LRP1B: variants seen among roughly 807,000 people sequenced by gnomAD.
The protein encoded by LRP1B is low-density lipoprotein receptor-related protein 1B.
Under a neutral mutation model 556.6 loss-of-function variants are expected in LRP1B, and 217 were observed. The ratio of observed to expected loss-of-function variants is 0.39; its 90% CI spans 0.35 to 0.44. The LOEUF (loss-of-function observed/expected upper bound fraction) is 0.44. Ranked by LOEUF, LRP1B falls within the 20% of genes least tolerant of loss-of-function variation. The pLI is 1.00. For missense variants in LRP1B, 5,053 were observed against 5,620.8 expected, an observed-to-expected ratio of 0.90 and a Z score of 3.23; for synonymous variants, 2,047 against 1,865.8, an observed-to-expected ratio of 1.10 and a Z score of -2.50.
intron 3 of LRP1B, among the ~76,000 whole-genome samples, chr2:141,380,641 T>C (rs575281516): frequency 2.2e-4 from 34 of 152,280 alleles, no homozygotes; most frequent in African/African-American, 7.9e-4. Context: ...TCTAAACACA[T>C]GTGCATGTAT....
At chr2:141,947,444 T>A (rs535860858) in intron 1 of LRP1B, among the ~76,000 whole-genome samples, 72 of 151,522 alleles carry the variant, frequency 4.8e-4, no homozygotes, top group South Asian at 1.9e-3. Context: ...TCAAAAAAAA[T>A]AAATAAATAA....
intron 3 of LRP1B, among the ~76,000 whole-genome samples, chr2:141,463,615 T>A (rs1226702492): frequency 4.1e-5 from 4 of 97,282 alleles, no homozygotes; most frequent in African/African-American, 2.0e-4. Flanking sequence ...TTATATATAA[T>A]TATGTATTAT....
chr2:141,261,312 C>T (rs145856675), intron 3 of LRP1B, among the ~76,000 whole-genome samples: 39 of 152,178 alleles, frequency 2.6e-4, no homozygotes, highest in Middle Eastern at 3.4e-3. Context: ...GATAGAGCAG[C>T]GAGGCAATGC....
At chr2:141,243,295 C>A in intron 5 of LRP1B, among the ~76,000 whole-genome samples, 1 of 151,786 alleles carries the variant, frequency 6.6e-6, no homozygotes, top group East Asian at 1.9e-4. Flanking sequence ...CCAGCCTGGG[C>A]AACAGAGAGA....
At chr2:141,417,529 CT>C (rs1402822271) in intron 3 of LRP1B, among the ~76,000 whole-genome samples, 2 of 152,156 alleles carry the variant, frequency 1.3e-5, no homozygotes, top group African/African-American at 2.4e-5. Context: ...GCATAACATC[CT>C]TTAGGTGCAT....
At chr2:141,887,204 C>T (rs1699152156) in intron 1 of LRP1B, among the ~76,000 whole-genome samples, 1 of 151,992 alleles carries the variant, frequency 6.6e-6, no homozygotes, top group African/African-American at 2.4e-5. Context: ...CAATGTTGGC[C>T]AGGCTGGTCT....
chr2:142,068,539 T>C lies in LRP1B; in HGVS notation c.82+62109A>G, dbSNP rs117646995. Among the ~76,000 whole-genome samples the C allele has an allele frequency of 1.6e-4, 25 of 151,718 alleles. No individual in the cohort carries two copies. In the East Asian group the frequency reaches 4.9e-3, roughly 29 times the overall value. ...TGCGTAGGGGTCAGCTCCTCATCTG[T>C]ATTTTCCAACATTGTCTTGTCCATT... On this transcript the variant is annotated intron_variant, in intron 1 of 90. Transcript: ENST00000389484.
intron 43 of LRP1B, among the ~76,000 whole-genome samples, chr2:140,568,615 G>A (rs1681211309): frequency 6.6e-6 from 1 of 152,086 alleles, no homozygotes; most frequent in Non-Finnish European, 1.5e-5. Flanking sequence ...GATATAAACA[G>A]TCAGATTCAG....
chr2:140,281,651 G>C (rs550096830), intron 84 of LRP1B, among the ~76,000 whole-genome samples: 1 of 151,832 alleles, frequency 6.6e-6, no homozygotes, highest in South Asian at 2.1e-4. Flanking sequence ...CATCATTTAA[G>C]TATGCATTTG....
At chr2:141,199,010 T>C (rs1225996202) in intron 6 of LRP1B, among the ~76,000 whole-genome samples, 1 of 152,148 alleles carries the variant, frequency 6.6e-6, no homozygotes, top group East Asian at 1.9e-4. Flanking sequence ...CTGCTCTCTC[T>C]GCTTCCTTTC....
chr2:140,908,384 AT>A (rs1237469926), intron 21 of LRP1B, among the ~76,000 whole-genome samples: 3,842 of 146,656 alleles, frequency 0.026, 159 homozygotes, highest in African/African-American at 0.09. Context: ...ATATATATAT[AT>A]ATATATAAAA....
Position 141,520,909 on chromosome 2 carries a change from A to T in LRP1B, c.206-40376T>A, listed in dbSNP as rs145929207. On this transcript the variant is annotated intron_variant, in intron 2 of 90. Coordinates refer to ENST00000389484, the MANE Select transcript of LRP1B (RefSeq NM_018557.3). ...CCAGGCTTCCCTCCTCTGTCCCTTC[A>T]TCTGATTCCCTTGGTGATGGTGACT... Among the ~76,000 whole-genome samples, 667 of 151,848 alleles carry T rather than the reference A, an allele frequency of 4.4e-3. 7 individuals are homozygous for T. Among genetic ancestry groups the T allele is most frequent in the African/African-American group, 0.014 (595 of 41,398 alleles).
At chr2:140,402,026 AC>A (rs1206251681) in intron 66 of LRP1B, among the ~76,000 whole-genome samples, 3 of 152,204 alleles carry the variant, frequency 2.0e-5, no homozygotes, top group African/African-American at 7.2e-5. Context: ...CGACCTGAGG[AC>A]AGGTCACATC....
intron 41 of LRP1B, among the ~76,000 whole-genome samples, chr2:140,686,868 T>C (rs1188212485): frequency 6.6e-6 from 1 of 151,956 alleles, no homozygotes; most frequent in African/African-American, 2.4e-5. Flanking sequence ...CATTTTATAG[T>C]ATAGGAAAGT....
chr2:141,316,075 A>G (rs1687026315), intron 3 of LRP1B, among the ~76,000 whole-genome samples: 1 of 152,002 alleles, frequency 6.6e-6, no homozygotes. Context: ...AATTTGAACA[A>G]GAGATCAGAT....
At chr2:140,712,380 C>G (rs905717264) in intron 37 of LRP1B, among the ~76,000 whole-genome samples, 1 of 152,056 alleles carries the variant, frequency 6.6e-6, no homozygotes, top group East Asian at 1.9e-4. Context: ...GACTTCCCAT[C>G]CTAGAATCTC....
At chr2:140,872,721 T>G (rs1693177808) in intron 25 of LRP1B, among the ~76,000 whole-genome samples, 1 of 152,074 alleles carries the variant, frequency 6.6e-6, no homozygotes, top group Admixed American at 6.6e-5. Context: ...TCTCTGTACC[T>G]TATGATGTAA....
chr2:141,369,515 C>G (rs1025139909), intron 3 of LRP1B, among the ~76,000 whole-genome samples: 1 of 151,932 alleles, frequency 6.6e-6, no homozygotes, highest in African/African-American at 2.4e-5. Flanking sequence ...ATTTTTAAAC[C>G]CTCCCATGAA....
chr2:141,244,854 ACTGCATAT>A (rs1684009783), intron 5 of LRP1B, among the ~76,000 whole-genome samples: 1 of 152,038 alleles, frequency 6.6e-6, no homozygotes, highest in Non-Finnish European at 1.5e-5. Flanking sequence ...TCCCATGGTA[ACTGCATAT>A]TTTTCAAATT....
Sources: gnomAD v4.1 joint callset for allele counts (sites outside exome capture counted in the v4.1 genomes callset) on GRCh38, gnomAD v4.1.1 for gene constraint, MANE v1.5 for transcripts, NCBI Gene and HGNC (gene_info 2026-07-23, HGNC 2026-07-21) for gene names.